Variants in LDLRAP1 observed in about 807,000 individuals in gnomAD.
The protein encoded by LDLRAP1 is low density lipoprotein receptor adapter protein 1.
A neutral mutation model predicts 37.8 loss-of-function variants in LDLRAP1; 30 were observed. The observed-to-expected ratio is 0.79, with a 90% CI of 0.59 to 1.08. The LOEUF is 1.08. Among genes scored for constraint, LDLRAP1 ranks in the 50% least tolerant of loss-of-function variants. The pLI, the probability that LDLRAP1 is intolerant of heterozygous loss-of-function variation, is 0.00. For missense variants in LDLRAP1, 375 were observed against 401.6 expected, an observed-to-expected ratio of 0.93 and a Z score of 0.57; for synonymous variants, 156 against 169.8, an observed-to-expected ratio of 0.92 and a Z score of 0.63.
In LDLRAP1 at chr1:25,567,957, C is replaced by G. The variant is rs563045826; in HGVS notation, c.*965C>G. The G allele has an allele frequency of 5.3e-5, 5 of 95,214 alleles. No individual in the cohort carries two copies. The East Asian group carries it at 1.6e-3, about 30-fold the overall frequency. The allele number at this position is 95,214 out of a possible 1,614,324, so 5.9% of individuals were successfully genotyped here. A position where few individuals can be genotyped will look rare whatever the true frequency, so the allele number is the denominator to read the frequency against. ...AGATTTATTTGGAAATATTCTATGA[C>G]CACTTTACAGATGAGGAAACAGGCC... On this transcript the variant is annotated 3_prime_UTR_variant, in exon 9 of 9. Transcript: ENST00000374338.
At position 25,568,542 on chromosome 1, in the gene LDLRAP1, C is replaced by A. The variant is rs1052183468; in HGVS notation, c.*1550C>A. On this transcript the variant is annotated 3_prime_UTR_variant, in exon 9 of 9. Transcript: ENST00000374338. ...CCTCCTTACCTGGAGTAACCGGACA[C>A]CTTAGACGGAGGTGCCTGAGGGTGG... 1 of 152,260 alleles carries A rather than the reference C, an allele frequency of 6.6e-6. No homozygotes were observed. The highest frequency in any genetic ancestry group is 2.4e-5 in the African/African-American group (1 of 41,460). 9.4% of individuals were successfully genotyped at this position (152,260 alleles called of 1,614,324 possible).
chr1:25,554,033 C>T lies in LDLRAP1; in HGVS notation c.200C>T (p.Ser67Leu), dbSNP rs867337699. 15 of 1,614,028 alleles carry T rather than the reference C, an allele frequency of 9.3e-6. 1 individual carries two copies. The Middle Eastern group carries it at 9.9e-4, about 107-fold the overall frequency. ...GAGCAGCCCAAGGGTGAGGAGCTGT[C>T]GGCCGCCGCCATCAAGAGGATCGTG... ...LVEQPKGEEL[S>L]AAAIKRIVAT... Residue 67 changes from serine (S) to leucine (L), a missense_variant, in exon 2 of 9, where the codon TCG (serine) becomes TTG (leucine). Transcript: ENST00000374338. This position sits in a 1 kb window ranked among gnomAD's most constrained non-coding sequence, Gnocchi z 5.4.
rs748988052 is a variant in LDLRAP1, at chr1:25,554,810, G to A, written c.232-50G>A. On this transcript the variant is annotated intron_variant, in intron 2 of 8. Coordinates refer to ENST00000374338, the MANE Select transcript of LDLRAP1 (RefSeq NM_015627.3). This position sits in a 1 kb window ranked among gnomAD's most constrained non-coding sequence, Gnocchi z 5.4. Reference sequence around the variant, plus strand: ...ACAGTGAAGTGTAAGCCATGAGGGTGGGTCTCAAGTGAGGCTGGCAGACTC... The same window carrying A: ...ACAGTGAAGTGTAAGCCATGAGGGTAGGTCTCAAGTGAGGCTGGCAGACTC... 2 of 1,412,214 alleles carry A rather than the reference G, an allele frequency of 1.4e-6. No individual in the cohort carries two copies. Among genetic ancestry groups the A allele is most frequent in the South Asian group, 1.2e-5 (1 of 84,840 alleles). The allele number at this position is 1,412,214 out of a possible 1,614,324, so 87.5% of individuals were successfully genotyped here.
chr1:25,571,108 G>A (rs548762980), downstream of LDLRAP1, among the ~76,000 whole-genome samples: 1 of 152,260 alleles, frequency 6.6e-6, no homozygotes, highest in Non-Finnish European at 1.5e-5. Flanking sequence ...GTGCCTCTCC[G>A]TGCAGATCAA....
chr1:25,554,860 G>A lies in LDLRAP1; in HGVS notation c.232G>A (p.Ala78Thr), dbSNP rs1445888183. ...CCTCTGACTCCTGTCTGCTCCCAAG[G>A]CTAAGGCCAGTGGGAAGAAGCTGCA... is the stretch of plus-strand genomic sequence containing the variant. The part of the protein sequence containing the change: ...AAAIKRIVAT[A>T]KASGKKLQKV... The change falls in exon 3 of 9, where the codon GCT becomes ACT. Residue 78 changes from alanine to threonine, a missense_variant and splice_region_variant. Ala to Thr is a moderately conservative substitution (Grantham distance 58). Transcript: ENST00000374338. This position sits in a 1 kb window ranked among gnomAD's most constrained non-coding sequence, Gnocchi z 5.4. 1 of 1,613,564 alleles carries A rather than the reference G, an allele frequency of 6.2e-7. No homozygotes were observed. The highest frequency in any genetic ancestry group is 8.5e-7 in the Non-Finnish European group (1 of 1,179,698).
chr1:25,589,303 CAAAA>C, the LDLRAP1 span, among the ~76,000 whole-genome samples: 3 of 127,570 alleles, frequency 2.4e-5, no homozygotes, highest in African/African-American at 1.2e-4. Context: ...CACTCCATCT[CAAAA>C]GAAAGAAAGA....
intron 4 of LDLRAP1, among the ~76,000 whole-genome samples, chr1:25,560,354 G>C (rs930971694): frequency 4.6e-5 from 7 of 152,040 alleles, no homozygotes; most frequent in Non-Finnish European, 8.8e-5. Context: ...GGGGAGAAAG[G>C]CTCCTTTCTA....
At chr1:25,553,885 G>T (rs747782783) in intron 1 of LDLRAP1, 37 bp from the exon 2 acceptor site, 1 of 1,610,088 alleles carries the variant, frequency 6.2e-7, no homozygotes, top group Admixed American at 1.7e-5. Flanking sequence ...TGGGCCCTGA[G>T]CCGCAGGGTC....
chr1:25,555,054 C>T lies in LDLRAP1; in HGVS notation c.344+82C>T. On this transcript the variant is annotated intron_variant, in intron 3 of 8. Transcript: ENST00000374338. The surrounding 1 kb of genome is among the most constrained non-coding windows in gnomAD (Gnocchi z 4.7). ...TATCCCATCTGAATCCAGGCTCTAC[C>T]ACTTCCTACCTGGGTGACATTGGAG... 1.0e-6 allele frequency: 1 copy of T among 978,410 alleles called. No homozygotes were observed. Among genetic ancestry groups the T allele is most frequent in the South Asian group, 1.3e-5 (1 of 74,474 alleles). 60.6% of individuals were successfully genotyped at this position (978,410 alleles called of 1,614,324 possible).
the LDLRAP1 span, chr1:25,581,572 A>G: frequency 6.6e-6 from 1 of 152,446 alleles, no homozygotes; most frequent in East Asian, 1.9e-4. Flanking sequence ...CTTCCCTCCA[A>G]CTAGGGCACC....
At chr1:25,570,420 G>T (rs1463628084), downstream of LDLRAP1, among the ~76,000 whole-genome samples, 2 of 152,196 alleles carry the variant, frequency 1.3e-5, no homozygotes, top group African/African-American at 4.8e-5. Flanking sequence ...CCCAGGAAGA[G>T]ATCCCATCCC....
intron 4 of LDLRAP1, among the ~76,000 whole-genome samples, chr1:25,562,039 T>C (rs2044353488): frequency 6.6e-6 from 1 of 152,088 alleles, no homozygotes; most frequent in South Asian, 2.1e-4. Context: ...AGGTGGGTTA[T>C]AGCACTGACC....
chr1:25,584,838 C>T, the LDLRAP1 span, among the ~76,000 whole-genome samples: 2 of 152,298 alleles, frequency 1.3e-5, no homozygotes, highest in Admixed American at 1.3e-4. Flanking sequence ...CTCTGAACCC[C>T]AGCTGTCAAT....
chr1:25,570,837 C>T (rs1254205545), downstream of LDLRAP1, among the ~76,000 whole-genome samples: 2 of 152,006 alleles, frequency 1.3e-5, no homozygotes, highest in African/African-American at 2.4e-5. Flanking sequence ...CCAGCCTGGG[C>T]GACAGAATGA....
intron 1 of LDLRAP1, among the ~76,000 whole-genome samples, chr1:25,548,817 C>T (rs942460681): frequency 6.6e-6 from 1 of 152,100 alleles, no homozygotes; most frequent in African/African-American, 2.4e-5. Flanking sequence ...CACACTGCCA[C>T]GCCCAGCTAA....
intron 4 of LDLRAP1, among the ~76,000 whole-genome samples, chr1:25,557,706 G>A (rs886394849): frequency 2.0e-5 from 3 of 152,136 alleles, no homozygotes; most frequent in South Asian, 2.1e-4. Context: ...AGTGTGGAGG[G>A]CAATGGCTGT....
intron 4 of LDLRAP1, 54 bp from the exon 5 acceptor site, chr1:25,562,590 T>G (rs896212076): frequency 1.1e-5 from 16 of 1,491,296 alleles, no homozygotes; most frequent in Non-Finnish European, 1.5e-5. Flanking sequence ...AGTGCAGACT[T>G]GCTCTGCCCT....
downstream of LDLRAP1, among the ~76,000 whole-genome samples, chr1:25,573,074 A>T (rs1486856101): frequency 7.1e-6 from 1 of 141,478 alleles, no homozygotes; most frequent in Non-Finnish European, 1.5e-5. Flanking sequence ...GTGCAGTCCA[A>T]ACAGGGGCTG....
Position 25,554,179 on chromosome 1 carries a change from C to T in LDLRAP1, c.231+115C>T. The T allele has an allele frequency of 7.7e-7, 1 of 1,300,044 alleles. No individual in the cohort carries two copies. The highest frequency in any genetic ancestry group is 1.1e-6 in the Non-Finnish European group (1 of 928,204). The allele number at this position is 1,300,044 out of a possible 1,614,324, so 80.5% of individuals were successfully genotyped here. ...TTGGGTGTGTCTGAGCCTGGCCCTG[C>T]CCTTCATTCTCCTTCCATCCAGCTT... On this transcript the variant is annotated intron_variant, in intron 2 of 8. Coordinates refer to ENST00000374338, the MANE Select transcript of LDLRAP1 (RefSeq NM_015627.3). The surrounding 1 kb of genome is among the most constrained non-coding windows in gnomAD (Gnocchi z 5.4).
Sources: gnomAD v4.1 joint callset for allele counts (sites outside exome capture counted in the v4.1 genomes callset) on GRCh38, gnomAD v4.1.1 for gene constraint, Gnocchi (gnomAD v3.1) non-coding constraint, MANE v1.5 for transcripts, NCBI Gene and HGNC (gene_info 2026-07-23, HGNC 2026-07-21) for gene names.